Variants in KLHL1 observed in about 807,000 individuals in gnomAD.
KLHL1 encodes the protein kelch-like protein 1.
A neutral mutation model predicts 77.7 loss-of-function variants in KLHL1; 47 were observed. That is an observed-to-expected ratio of 0.60 (90% CI 0.48 to 0.77). The LOEUF is 0.77. Among genes scored for constraint, KLHL1 ranks in the 30% least tolerant of loss-of-function variants. The pLI, the probability that KLHL1 is intolerant of heterozygous loss-of-function variation, is 0.00. For missense variants in KLHL1, 925 were observed against 910.8 expected, an observed-to-expected ratio of 1.02 and a Z score of -0.20; for synonymous variants, 360 against 325.2, an observed-to-expected ratio of 1.11 and a Z score of -1.15.
intron 7 of KLHL1, among the ~76,000 whole-genome samples, chr13:69,741,805 T>A (rs1238617945): frequency 6.6e-6 from 1 of 152,200 alleles, no homozygotes; most frequent in Non-Finnish European, 1.5e-5. Flanking sequence ...TCTCAAGGAC[T>A]CGGGAGCTGC....
chr13:70,029,121 G>A (rs1214196772), intron 1 of KLHL1, among the ~76,000 whole-genome samples: 1 of 152,128 alleles, frequency 6.6e-6, no homozygotes, highest in Non-Finnish European at 1.5e-5. Flanking sequence ...TCTGTGTTGA[G>A]TGTGTGTATG....
At chr13:69,861,232 T>A (rs1388666191) in intron 5 of KLHL1, among the ~76,000 whole-genome samples, 5 of 152,108 alleles carry the variant, frequency 3.3e-5, no homozygotes, top group Non-Finnish European at 5.9e-5. Flanking sequence ...TTTAGACTTC[T>A]GGTATCCAGA....
chr13:70,090,666 T>A (rs148092879), intron 1 of KLHL1, among the ~76,000 whole-genome samples: 286 of 152,114 alleles, frequency 1.9e-3, no homozygotes, highest in African/African-American at 6.5e-3. Context: ...TCTGAAACTT[T>A]CTATTTTCTC....
rs1198575105 is a variant in KLHL1 at position 69,729,738 on chromosome 13, A to G, written c.1803-10157T>C. Reference sequence around the variant, plus strand: ...ACCCAGGGAGAAGAAAAAGATGCCAAGTAAAAGCTCTACTAACTCAATTTA... The same window carrying G: ...ACCCAGGGAGAAGAAAAAGATGCCAGGTAAAAGCTCTACTAACTCAATTTA... On this transcript the variant is annotated intron_variant, in intron 8 of 10. Transcript: ENST00000377844. 2.0e-5 allele frequency among the ~76,000 whole-genome samples: 3 copies of G among 152,170 alleles called. No homozygotes were observed. The East Asian group carries it at 5.8e-4, about 29-fold the overall frequency.
intron 1 of KLHL1, among the ~76,000 whole-genome samples, chr13:70,063,103 G>T (rs1376289100): frequency 6.6e-6 from 1 of 152,068 alleles, no homozygotes; most frequent in Non-Finnish European, 1.5e-5. Context: ...CCCCTGAACA[G>T]AACCCAGCTT....
Position 70,018,530 on chromosome 13 carries a change from T to C in KLHL1, c.498-42728A>G, listed in dbSNP as rs114027471. ...AGACTGATGCAGAGAGACACGTTTC[T>C]AGTGATTTTGAAGTTTAGGGCCTAG... On this transcript the variant is annotated intron_variant, in intron 1 of 10. Transcript: ENST00000377844. Among the ~76,000 whole-genome samples, 389 of 152,308 alleles carry C rather than the reference T, an allele frequency of 2.6e-3. 1 individual carries two copies. The highest frequency in any genetic ancestry group is 8.3e-3 in the African/African-American group (344 of 41,564).
chr13:69,793,498 G>GT (rs11374810), intron 7 of KLHL1, among the ~76,000 whole-genome samples: 131,462 of 150,184 alleles, frequency 0.88, 57,764 homozygotes, highest in East Asian at 1. Context: ...AATCATGTAA[G>GT]TTTTTTTTTT....
chr13:70,101,806 G>A (rs1369654777), intron 1 of KLHL1, among the ~76,000 whole-genome samples: 2 of 152,016 alleles, frequency 1.3e-5, no homozygotes, highest in Admixed American at 6.5e-5. Flanking sequence ...AGATATTGTG[G>A]ACTCCTGGGT....
chr13:69,862,377 A>G (rs974192115), intron 5 of KLHL1, among the ~76,000 whole-genome samples: 15 of 152,106 alleles, frequency 9.9e-5, no homozygotes, highest in Admixed American at 4.6e-4. Flanking sequence ...CTGAAGTTCC[A>G]TTTTACCAAA....
intron 1 of KLHL1, among the ~76,000 whole-genome samples, chr13:69,978,872 TTGTCCAAGTTGTG>T (rs1884624373): frequency 6.6e-6 from 1 of 152,140 alleles, no homozygotes; most frequent in South Asian, 2.1e-4. Flanking sequence ...TCTTTAGTTG[TTGTCCAAGTTGTG>T]GTGGGTGTAC....
intron 2 of KLHL1, among the ~76,000 whole-genome samples, chr13:69,963,876 A>G (rs1884138569): frequency 8.1e-6 from 1 of 122,708 alleles, no homozygotes; most frequent in African/African-American, 2.7e-5. Flanking sequence ...ATGGCAAAAA[A>G]TAAAAAAACA....
At chr13:69,778,169 T>G (rs2137996118) in intron 7 of KLHL1, among the ~76,000 whole-genome samples, 1 of 152,248 alleles carries the variant, frequency 6.6e-6, no homozygotes, top group East Asian at 1.9e-4. Flanking sequence ...AGATATTTGT[T>G]ATTATCAGAC....
chr13:69,719,207 T>A (rs202028254), intron 9 of KLHL1, among the ~76,000 whole-genome samples, 162 bp downstream of exon 9: 5 of 13,112 alleles, frequency 3.8e-4, no homozygotes, highest in Non-Finnish European at 1.3e-3. Context: ...TGTGTGTGTG[T>A]GTGAGAGAGA....
chr13:70,081,001 C>T (rs538750420), intron 1 of KLHL1, among the ~76,000 whole-genome samples: 1 of 152,318 alleles, frequency 6.6e-6, no homozygotes, highest in East Asian at 1.9e-4. Context: ...TCCCAAAAAA[C>T]ATTGCAAAGT....
intron 5 of KLHL1, among the ~76,000 whole-genome samples, chr13:69,879,099 C>T (rs1254028025): frequency 1.3e-5 from 2 of 151,858 alleles, no homozygotes; most frequent in African/African-American, 2.4e-5. Flanking sequence ...CAGGGCCTGT[C>T]GTAGGAGATA....
intron 7 of KLHL1, among the ~76,000 whole-genome samples, chr13:69,757,788 CCT>C (rs1874821575): frequency 7.0e-6 from 1 of 141,936 alleles, no homozygotes; most frequent in Admixed American, 6.9e-5. Flanking sequence ...AAATCTCGTC[CCT>C]ACTAAAAATG....
chr13:70,008,483 C>G (rs1226837335), intron 1 of KLHL1, among the ~76,000 whole-genome samples: 1 of 151,960 alleles, frequency 6.6e-6, no homozygotes, highest in Admixed American at 6.6e-5. Context: ...CACTCATGTG[C>G]GTCATTGGCT....
intron 1 of KLHL1, among the ~76,000 whole-genome samples, chr13:70,106,188 A>C (rs1180892910): frequency 6.6e-6 from 1 of 151,856 alleles, no homozygotes; most frequent in Non-Finnish European, 1.5e-5. Flanking sequence ...AGACTAAAAA[A>C]GATGCTTCTG....
chr13:69,819,605 A>G (rs1490359257), intron 6 of KLHL1, among the ~76,000 whole-genome samples: 1 of 147,584 alleles, frequency 6.8e-6, no homozygotes, highest in Non-Finnish European at 1.5e-5. Flanking sequence ...GTCATTCAAC[A>G]AGGAGGTAAT....
Sources: allele counts gnomAD v4.1 joint callset (sites outside exome capture counted in the v4.1 genomes callset), GRCh38; gene constraint gnomAD v4.1.1; transcripts MANE v1.5; gene names NCBI Gene and HGNC (gene_info 2026-07-23, HGNC 2026-07-21).